Variants in RORA observed in about 807,000 individuals in gnomAD.
RORA encodes the protein nuclear receptor ROR-alpha.
A neutral mutation model predicts 69.5 loss-of-function variants in RORA; 7 were observed. The observed-to-expected ratio is 0.10, with a 90% CI of 0.06 to 0.19. RORA has a LOEUF of 0.19. Among genes scored for constraint, RORA ranks in the 10% least tolerant of loss-of-function variants. The pLI, the probability that RORA is intolerant of heterozygous loss-of-function variation, is 1.00. For missense variants in RORA, 457 were observed against 663.0 expected (o/e 0.69, Z 3.41); for synonymous variants, 261 against 240.8 (o/e 1.08, Z -0.78).
chr15:60,818,610 T>A (rs1273917101), intron 1 of RORA, among the ~76,000 whole-genome samples: 1 of 152,206 alleles, frequency 6.6e-6, no homozygotes, highest in Admixed American at 6.5e-5. Context: ...CTCTTTGGGA[T>A]GCAGAAGAGA....
At chr15:60,519,004 C>T (rs1008864436) in intron 3 of RORA, among the ~76,000 whole-genome samples, 1 of 152,174 alleles carries the variant, frequency 6.6e-6, no homozygotes, top group African/African-American at 2.4e-5. Flanking sequence ...ACTTTTATTA[C>T]AGTATATTTT....
intron 1 of RORA, among the ~76,000 whole-genome samples, chr15:61,085,143 G>C (rs1047469317): frequency 1.3e-5 from 2 of 152,132 alleles, no homozygotes; most frequent in African/African-American, 2.4e-5. Flanking sequence ...CAGAGAGAGA[G>C]GTTGCCCAGG....
At chr15:61,018,666 T>C (rs1317404560) in intron 1 of RORA, among the ~76,000 whole-genome samples, 1 of 152,170 alleles carries the variant, frequency 6.6e-6, no homozygotes, top group Non-Finnish European at 1.5e-5. Flanking sequence ...ATATATAACA[T>C]GTGCATAGGT....
chr15:60,959,457 G>A (rs1893355910), intron 1 of RORA, among the ~76,000 whole-genome samples: 1 of 152,128 alleles, frequency 6.6e-6, no homozygotes, highest in Non-Finnish European at 1.5e-5. Flanking sequence ...AACGTATTAG[G>A]CAACATCAGT....
intron 1 of RORA, among the ~76,000 whole-genome samples, chr15:60,693,616 T>G (rs549779135): frequency 6.6e-6 from 1 of 152,140 alleles, no homozygotes; most frequent in Non-Finnish European, 1.5e-5. Context: ...AAAATCAATA[T>G]GCAAAAATCA....
At chr15:60,954,826 A>C (rs1341071714) in intron 1 of RORA, among the ~76,000 whole-genome samples, 1 of 152,150 alleles carries the variant, frequency 6.6e-6, no homozygotes, top group Non-Finnish European at 1.5e-5. Flanking sequence ...TTCAGCTCTC[A>C]TTACATTCTG....
intron 1 of RORA, among the ~76,000 whole-genome samples, chr15:61,114,159 C>G (rs1354502301): frequency 1.3e-5 from 2 of 152,176 alleles, no homozygotes; most frequent in Admixed American, 6.5e-5. Flanking sequence ...ACAGAGGGAA[C>G]TGGAGAGACT....
At chr15:60,914,822 T>G (rs1891823819) in intron 1 of RORA, among the ~76,000 whole-genome samples, 1 of 152,230 alleles carries the variant, frequency 6.6e-6, no homozygotes. Context: ...AAGTGATTAC[T>G]CACCTTCTGA....
chr15:60,858,072 G>C (rs1322855750), intron 1 of RORA, among the ~76,000 whole-genome samples: 3 of 152,220 alleles, frequency 2.0e-5, no homozygotes, highest in Non-Finnish European at 4.4e-5. Flanking sequence ...TCTGAAGTTT[G>C]TGTTGCTATG....
At chr15:60,718,928 G>C (rs952599810) in intron 1 of RORA, among the ~76,000 whole-genome samples, 1 of 152,124 alleles carries the variant, frequency 6.6e-6, no homozygotes, top group African/African-American at 2.4e-5. Flanking sequence ...AAAGTTTCTG[G>C]TTAGTACAGG....
chr15:61,120,993 G>A (rs969612075), intron 1 of RORA, among the ~76,000 whole-genome samples: 21 of 151,522 alleles, frequency 1.4e-4, no homozygotes, highest in African/African-American at 4.6e-4. Context: ...GATTACAGGC[G>A]CCTGCCACCA....
chr15:60,629,184 A>ATTTTTTT (rs2069670023), intron 2 of RORA, among the ~76,000 whole-genome samples: 9 of 70,272 alleles, frequency 1.3e-4, no homozygotes, highest in South Asian at 9.0e-4. Flanking sequence ...TTGACTGTTT[A>ATTTTTTT]TTCTTTTTTT....
In RORA at chr15:61,213,636, C is replaced by G. The variant is rs2080012712; in HGVS notation, c.166+15417G>C. 6.6e-6 allele frequency: 1 copy of G among 152,164 alleles called. No individual in the cohort carries two copies. Among genetic ancestry groups the G allele is most frequent in the Non-Finnish European group, 1.5e-5 (1 of 68,052 alleles). The allele number at this position is 152,164 out of a possible 1,614,324, so 9.4% of individuals were successfully genotyped here. A position where few individuals can be genotyped will look rare whatever the true frequency, so the allele number is the denominator to read the frequency against. ...CTCATTTTTCTAAAACCCGGGCAGG[C>G]ATAACCACCTCAGTGAGCTTTCCCT... On this transcript the variant is annotated intron_variant, in intron 1 of 10. Coordinates refer to ENST00000335670, the MANE Select transcript of RORA (RefSeq NM_134261.3). This position sits in a 1 kb window ranked among gnomAD's most constrained non-coding sequence, Gnocchi z 4.1.
chr15:60,619,262 T>C (rs540889991), intron 2 of RORA, among the ~76,000 whole-genome samples: 1 of 152,350 alleles, frequency 6.6e-6, no homozygotes, highest in South Asian at 2.1e-4. Flanking sequence ...CATTCTTCAA[T>C]GGATCATCTT....
At chr15:61,093,285 C>T (rs757714834) in intron 1 of RORA, among the ~76,000 whole-genome samples, 17 of 152,178 alleles carry the variant, frequency 1.1e-4, no homozygotes, top group South Asian at 2.1e-4. Flanking sequence ...CCAATATGAA[C>T]GCATTAGGTG....
intron 1 of RORA, among the ~76,000 whole-genome samples, chr15:60,861,550 C>T (rs2073435922): frequency 6.6e-6 from 1 of 152,154 alleles, no homozygotes; most frequent in South Asian, 2.1e-4. Flanking sequence ...AGATGAGTCT[C>T]ACTATGTTGC....
intron 3 of RORA, among the ~76,000 whole-genome samples, chr15:60,526,081 T>A (rs2141418141): frequency 6.6e-6 from 1 of 152,316 alleles, no homozygotes; most frequent in Non-Finnish European, 1.5e-5. Context: ...AAAGTTGTTC[T>A]TTAGAAAGAG....
At chr15:60,823,096 C>T (rs2072913867) in intron 1 of RORA, among the ~76,000 whole-genome samples, 1 of 96,614 alleles carries the variant, frequency 1.0e-5, no homozygotes. Flanking sequence ...TCTTTCCTTC[C>T]TTCATTCTTC....
At chr15:61,020,199 C>A (rs1895457827) in intron 1 of RORA, among the ~76,000 whole-genome samples, 1 of 152,174 alleles carries the variant, frequency 6.6e-6, no homozygotes, top group Non-Finnish European at 1.5e-5. Context: ...CTGTTCCCTT[C>A]TCTTTAGGAC....
Sources: allele counts gnomAD v4.1 joint callset (sites outside exome capture counted in the v4.1 genomes callset), GRCh38; gene constraint gnomAD v4.1.1; non-coding constraint Gnocchi (gnomAD v3.1); transcripts MANE v1.5; gene names NCBI Gene and HGNC (gene_info 2026-07-23, HGNC 2026-07-21).